Variants in PRMT3 observed in about 807,000 individuals in gnomAD.
PRMT3 encodes protein arginine methyltransferase 3.
Under a neutral mutation model 71.9 loss-of-function variants are expected in PRMT3, and 62 were observed. The ratio of observed to expected loss-of-function variants is 0.86; its 90% CI spans 0.70 to 1.07. The LOEUF (loss-of-function observed/expected upper bound fraction) is 1.07. Ranked by LOEUF, PRMT3 falls within the 50% of genes least tolerant of loss-of-function variation. The pLI is 0.00. For missense variants in PRMT3, 663 were observed against 643.0 expected (o/e 1.03, Z -0.34); for synonymous variants, 213 against 220.4 (o/e 0.97, Z 0.30).
intron 10 of PRMT3, among the ~76,000 whole-genome samples, chr11:20,438,451 C>T (rs1821600057): frequency 6.6e-6 from 1 of 152,050 alleles, no homozygotes; most frequent in Non-Finnish European, 1.5e-5. Flanking sequence ...AGTGATGACT[C>T]TACTTCCCAA....
chr11:20,426,972 CATT>C (rs1392852502), intron 10 of PRMT3, 107 bp downstream of exon 10: 5 of 1,390,212 alleles, frequency 3.6e-6, no homozygotes, highest in East Asian at 3.1e-5. Flanking sequence ...AGAATGGTGA[CATT>C]ATTTTTTAAG....
In PRMT3 at chr11:20,508,842, CT is replaced by C; in HGVS notation, c.*430del. The C allele has an allele frequency of 4.9e-6, 1 of 205,892 alleles. No homozygotes were observed. The highest frequency in any genetic ancestry group is 7.8e-5 in the South Asian group (1 of 12,808). 12.8% of individuals were successfully genotyped at this position (205,892 alleles called of 1,614,324 possible). On this transcript the variant is annotated 3_prime_UTR_variant, in exon 16 of 16. Coordinates refer to ENST00000331079, the MANE Select transcript of PRMT3 (RefSeq NM_005788.4). ...ACTACACATTTTATTATGGACTCCTCTGAGGAGGAGTTTTTAATTGTATTTG... is the reference window on the plus strand; with the variant it reads ...ACTACACATTTTATTATGGACTCCTCGAGGAGGAGTTTTTAATTGTATTTG...
intron 10 of PRMT3, among the ~76,000 whole-genome samples, chr11:20,427,211 G>A (rs1360137948): frequency 6.6e-6 from 1 of 152,074 alleles, no homozygotes; most frequent in African/African-American, 2.4e-5. Context: ...GAACTCATTA[G>A]GACTGTTTCA....
chr11:20,414,155 A>G (rs1432567231), intron 9 of PRMT3, among the ~76,000 whole-genome samples: 1 of 152,152 alleles, frequency 6.6e-6, no homozygotes, highest in Non-Finnish European at 1.5e-5. Flanking sequence ...GGAGTTTAAG[A>G]CCAACCTGGG....
chr11:20,394,740 C>T (rs978971231), intron 5 of PRMT3, among the ~76,000 whole-genome samples: 21 of 152,210 alleles, frequency 1.4e-4, no homozygotes, highest in Admixed American at 1.3e-4. Flanking sequence ...CTTTGACCAA[C>T]ATCTCCTCAT....
At chr11:20,442,880 T>C (rs555610068) in intron 10 of PRMT3, among the ~76,000 whole-genome samples, 8 of 152,164 alleles carry the variant, frequency 5.3e-5, no homozygotes, top group Non-Finnish European at 1.0e-4. Flanking sequence ...TTTATATTGC[T>C]AGAGGTGAGA....
At chr11:20,472,014 A>G (rs1192470991) in intron 13 of PRMT3, among the ~76,000 whole-genome samples, 1 of 152,016 alleles carries the variant, frequency 6.6e-6, no homozygotes, top group East Asian at 1.9e-4. Context: ...TTGTTGGTAT[A>G]TGAGAATGCT....
At position 20,426,683 on chromosome 11, in the gene PRMT3, C is replaced by T. The variant is rs1479719931; in HGVS notation, c.894-83C>T. On this transcript the variant is annotated intron_variant, in intron 9 of 15. Transcript: ENST00000331079. ...TACTTTTTTGTCCCACAAAACAATACGAGTTGTTGGCAAAAAATTATGTAA... is the reference window on the plus strand; with the variant it reads ...TACTTTTTTGTCCCACAAAACAATATGAGTTGTTGGCAAAAAATTATGTAA... 9.4e-6 allele frequency: 12 copies of T among 1,274,198 alleles called. No individual in the cohort carries two copies. The South Asian group carries it at 9.6e-5, about 10-fold the overall frequency. 78.9% of individuals were successfully genotyped at this position (1,274,198 alleles called of 1,614,324 possible). A position where few individuals can be genotyped will look rare whatever the true frequency, so the allele number is the denominator to read the frequency against.
chr11:20,424,852 A>G (rs997305341), intron 9 of PRMT3, among the ~76,000 whole-genome samples: 8 of 152,280 alleles, frequency 5.3e-5, no homozygotes, highest in Admixed American at 2.0e-4. Flanking sequence ...TAAGTGTGGC[A>G]GCTCATGCCT....
intron 15 of PRMT3, among the ~76,000 whole-genome samples, chr11:20,504,594 G>C (rs1244225350): frequency 6.6e-6 from 1 of 152,142 alleles, no homozygotes; most frequent in Non-Finnish European, 1.5e-5. Context: ...ACTCACGAGA[G>C]AGTGGGTCTC....
intron 13 of PRMT3, among the ~76,000 whole-genome samples, chr11:20,471,089 G>C (rs555608442): frequency 6.6e-6 from 1 of 151,678 alleles, no homozygotes; most frequent in East Asian, 1.9e-4. Context: ...TTGTAAATTT[G>C]CATTAGTTCT....
intron 2 of PRMT3, among the ~76,000 whole-genome samples, chr11:20,389,163 G>A: frequency 6.6e-6 from 1 of 152,164 alleles, no homozygotes; most frequent in East Asian, 1.9e-4. Context: ...TCTCTGCTGT[G>A]TATTCCTGTC....
At chr11:20,447,755 G>A (rs1850063084) in intron 10 of PRMT3, among the ~76,000 whole-genome samples, 1 of 151,972 alleles carries the variant, frequency 6.6e-6, no homozygotes, top group Non-Finnish European at 1.5e-5. Context: ...TGCTGCCACT[G>A]TTCTGCTTCT....
At chr11:20,416,256 G>T (rs1027454855) in intron 9 of PRMT3, among the ~76,000 whole-genome samples, 1 of 152,134 alleles carries the variant, frequency 6.6e-6, no homozygotes, top group Non-Finnish European at 1.5e-5. Context: ...GGAAGAAGGG[G>T]TGGGGGGAAG....
At chr11:20,463,327 G>T (rs1850430772) in intron 12 of PRMT3, among the ~76,000 whole-genome samples, 1 of 152,206 alleles carries the variant, frequency 6.6e-6, no homozygotes, top group African/African-American at 2.4e-5. Flanking sequence ...CAGTCTGCTT[G>T]ATGGTTATAC....
At chr11:20,388,234 C>T (rs2133289199) in intron 2 of PRMT3, 80 bp downstream of exon 2, 2 of 1,590,152 alleles carry the variant, frequency 1.3e-6, no homozygotes, top group East Asian at 2.3e-5. Flanking sequence ...CGCCTTCGGG[C>T]GGGAGGCAAG....
intron 3 of PRMT3, among the ~76,000 whole-genome samples, chr11:20,391,212 G>A (rs1848706980): frequency 6.6e-6 from 1 of 152,074 alleles, no homozygotes; most frequent in Admixed American, 6.5e-5. Context: ...CTTTCGTAAG[G>A]CATAAATGAC....
At chr11:20,477,117 A>T (rs1850809654) in intron 13 of PRMT3, among the ~76,000 whole-genome samples, 1 of 152,220 alleles carries the variant, frequency 6.6e-6, no homozygotes, top group South Asian at 2.1e-4. Context: ...TATTACAGTA[A>T]GGATGACCAC....
chr11:20,413,684 T>C (rs1358961615), intron 9 of PRMT3, among the ~76,000 whole-genome samples: 1 of 134,958 alleles, frequency 7.4e-6, no homozygotes, highest in Non-Finnish European at 1.8e-5. Context: ...TGTCAAACTG[T>C]GACTACTTTT....
Sources: allele counts gnomAD v4.1 joint callset (sites outside exome capture counted in the v4.1 genomes callset), GRCh38; gene constraint gnomAD v4.1.1; transcripts MANE v1.5; gene names NCBI Gene and HGNC (gene_info 2026-07-23, HGNC 2026-07-21).